Variants in ANKRD36B observed in about 807,000 individuals in gnomAD.
ANKRD36B encodes ankyrin repeat domain 36B, also known as ankyrin repeat domain-containing protein 36B.
ANKRD36B carries 37 observed loss-of-function variants against 135.7 expected under a neutral mutation model. The observed-to-expected ratio is 0.27, with a 90% CI of 0.21 to 0.36. The LOEUF is 0.36. Among genes scored for constraint, ANKRD36B ranks in the 10% least tolerant of loss-of-function variants. The probability of loss-of-function intolerance (pLI) is 1.00; values close to 1 mark genes in which losing one functional copy is unlikely to be tolerated. For missense variants in ANKRD36B, 549 were observed against 1,037.1 expected, an observed-to-expected ratio of 0.53 and a Z score of 6.46; for synonymous variants, 179 against 348.1, an observed-to-expected ratio of 0.51 and a Z score of 5.41.
At chr2:97,559,304 T>A (rs997644486) in intron 8 of ANKRD36B, among the ~76,000 whole-genome samples, 26 of 151,980 alleles carry the variant, frequency 1.7e-4, no homozygotes, top group African/African-American at 5.5e-4. Flanking sequence ...GAGGAGTAAC[T>A]CACACACCTG....
intron 36 of ANKRD36B, among the ~76,000 whole-genome samples, chr2:97,516,192 TAAAAAAAAA>T (rs1159226772): frequency 1.2e-4 from 4 of 33,522 alleles, no homozygotes; most frequent in Admixed American, 2.8e-4. Flanking sequence ...ATAGGTCCTG[TAAAAAAAAA>T]AAAAAAAAAA....
At chr2:97,557,542 G>A (rs1180975398) in intron 10 of ANKRD36B, among the ~76,000 whole-genome samples, 4 of 151,884 alleles carry the variant, frequency 2.6e-5, no homozygotes, top group Admixed American at 2.6e-4. Flanking sequence ...ATACCATTAT[G>A]CTGCAAGTAT....
intron 6 of ANKRD36B, among the ~76,000 whole-genome samples, chr2:97,567,147 G>C (rs1381498063): frequency 6.6e-6 from 1 of 151,782 alleles, no homozygotes; most frequent in African/African-American, 2.4e-5. Flanking sequence ...CAGATAAAGA[G>C]ATGCATAGTG....
intron 14 of ANKRD36B, among the ~76,000 whole-genome samples, chr2:97,554,367 A>G (rs2080308691): frequency 6.6e-6 from 1 of 152,002 alleles, no homozygotes; most frequent in East Asian, 1.9e-4. Flanking sequence ...AAAATCAACA[A>G]AAGATATATA....
chr2:97,528,258 A>C (rs536621526), intron 35 of ANKRD36B, among the ~76,000 whole-genome samples: 1 of 95,400 alleles, frequency 1.0e-5, no homozygotes, highest in African/African-American at 3.1e-5. Context: ...CTCACTAAAA[A>C]CCGCTCAACT....
At chr2:97,583,169 A>G (rs2082731597) in intron 3 of ANKRD36B, among the ~76,000 whole-genome samples, 2 of 131,286 alleles carry the variant, frequency 1.5e-5, no homozygotes, top group Admixed American at 1.6e-4. Context: ...GCAGTCCATA[A>G]TAGAGCTTCA....
intron 1 of ANKRD36B, among the ~76,000 whole-genome samples, chr2:97,586,945 G>A (rs564191073): frequency 1.1e-4 from 17 of 152,216 alleles, no homozygotes; most frequent in African/African-American, 3.4e-4. Context: ...AGGCCGAGGC[G>A]GGGGGATCAC....
intron 4 of ANKRD36B, 65 bp downstream of exon 4, chr2:97,580,397 G>A (rs961240209): frequency 7.3e-7 from 1 of 1,374,744 alleles, no homozygotes; most frequent in Non-Finnish European, 9.8e-7. Flanking sequence ...TGACTTGAGT[G>A]ACTGCTACCA....
intron 6 of ANKRD36B, among the ~76,000 whole-genome samples, chr2:97,562,912 T>C (rs1337356751): frequency 6.6e-6 from 1 of 152,060 alleles, no homozygotes; most frequent in African/African-American, 2.4e-5. Flanking sequence ...GGTTTGAGTA[T>C]CTATCATCTC....
chr2:97,558,042 T>G (rs1406472202), intron 10 of ANKRD36B, among the ~76,000 whole-genome samples: 1 of 152,012 alleles, frequency 6.6e-6, no homozygotes, highest in Admixed American at 6.6e-5. Context: ...AATTGCTATT[T>G]TTATCCAAAA....
intron 12 of ANKRD36B, among the ~76,000 whole-genome samples, chr2:97,555,871 A>G (rs972429031): frequency 6.6e-6 from 1 of 151,890 alleles, no homozygotes; most frequent in Non-Finnish European, 1.5e-5. Context: ...TGTATCCTCT[A>G]GTTTAGCCTT....
At chr2:97,552,593 G>C (rs2080163469) in intron 16 of ANKRD36B, among the ~76,000 whole-genome samples, 1 of 151,802 alleles carries the variant, frequency 6.6e-6, no homozygotes, top group African/African-American at 2.4e-5. Context: ...TATTTTTTAA[G>C]GACATATTCC....
rs1204916854 is a variant in ANKRD36B, at chr2:97,498,250, C to G, written c.*7-5395G>C. ...TGAAGGAGAAGAAAAAGAAAAAGGC[C>G]TAGAAAGCATATTTAATGAAATAAT... On this transcript the variant is annotated intron_variant, in intron 43 of 43. Transcript: ENST00000359901. Among the ~76,000 whole-genome samples, 3 of 86,348 alleles carry G rather than the reference C, an allele frequency of 3.5e-5. 1 individual carries two copies. The highest frequency in any genetic ancestry group is 9.4e-5 in the Admixed American group (1 of 10,690). The allele number at this position is 86,348 out of a possible 152,430, so 56.6% of individuals were successfully genotyped here.
chr2:97,509,017 T>C (rs2077441674), intron 40 of ANKRD36B, among the ~76,000 whole-genome samples: 1 of 104,350 alleles, frequency 9.6e-6, no homozygotes, highest in African/African-American at 2.6e-5. Flanking sequence ...CTGAGCCCAA[T>C]ACAAAGGAAG....
chr2:97,554,082 T>C (rs1334310578), intron 14 of ANKRD36B, among the ~76,000 whole-genome samples: 3 of 152,046 alleles, frequency 2.0e-5, no homozygotes, highest in African/African-American at 7.2e-5. Context: ...TCATCAATTA[T>C]CAATTTTGAC....
Position 97,581,417 on chromosome 2 carries a change from C to T in ANKRD36B, c.451-849G>A, listed in dbSNP as rs1405801059. On this transcript the variant is annotated intron_variant, in intron 3 of 43. Coordinates refer to ENST00000359901, the MANE Select transcript of ANKRD36B (RefSeq NM_001393939.1). ...ATTTGAAGCCTATCTCTTTTTAATT[C>T]GGAGAGCCGGGCTCTGAATTAATAG... Among the ~76,000 whole-genome samples the T allele has an allele frequency of 8.6e-5, 13 of 151,462 alleles. No individual in the cohort carries two copies. The East Asian group carries it at 9.8e-4, about 11-fold the overall frequency.
At chr2:97,573,127 T>C (rs1476043371) in intron 6 of ANKRD36B, among the ~76,000 whole-genome samples, 1 of 152,010 alleles carries the variant, frequency 6.6e-6, no homozygotes, top group Admixed American at 6.6e-5. Context: ...TGTGTTCTCA[T>C]TGTTCAATTC....
intron 1 of ANKRD36B, among the ~76,000 whole-genome samples, chr2:97,586,194 T>G (rs1038963661): frequency 5.3e-5 from 8 of 152,134 alleles, no homozygotes; most frequent in African/African-American, 1.9e-4. Flanking sequence ...AACAAAGTAA[T>G]TCTTACTTCA....
chr2:97,576,929 C>A (rs923626390), intron 5 of ANKRD36B, among the ~76,000 whole-genome samples: 8 of 151,948 alleles, frequency 5.3e-5, no homozygotes, highest in Non-Finnish European at 8.8e-5. Flanking sequence ...CCAAATCAAA[C>A]CCAATGTGTA....
Sources: gnomAD v4.1 joint callset for allele counts (sites outside exome capture counted in the v4.1 genomes callset) on GRCh38, gnomAD v4.1.1 for gene constraint, MANE v1.5 for transcripts, NCBI Gene and HGNC (gene_info 2026-07-23, HGNC 2026-07-21) for gene names.